Variants in SGMS1 observed in about 807,000 individuals in gnomAD.
SGMS1 encodes the protein sphingomyelin synthase 1.
In SGMS1, 13 loss-of-function variants were observed where a neutral mutation model predicts 46.2. The observed-to-expected ratio is 0.28, with a 90% confidence interval of 0.18 to 0.45. The LOEUF is 0.45. Ranked by LOEUF, SGMS1 falls within the 20% of genes least tolerant of loss-of-function variation. The pLI is 1.00. For missense variants in SGMS1, 324 were observed against 519.9 expected, an observed-to-expected ratio of 0.62 and a Z score of 3.66; for synonymous variants, 203 against 187.8, an observed-to-expected ratio of 1.08 and a Z score of -0.66.
intron 6 of SGMS1, chr10:50,418,323 G>A (rs1318361392): frequency 1.3e-5 from 2 of 152,324 alleles, no homozygotes; most frequent in African/African-American, 4.8e-5. Context: ...GAGCTGGCGG[G>A]CGGCCGGATG....
intron 8 of SGMS1, among the ~76,000 whole-genome samples, chr10:50,323,304 T>C (rs1215622431): frequency 6.6e-6 from 1 of 152,202 alleles, no homozygotes; most frequent in African/African-American, 2.4e-5. Context: ...AATTACAGCA[T>C]TTTAATGGCA....
chr10:50,506,282 CA>C (rs1837706083), intron 3 of SGMS1, among the ~76,000 whole-genome samples: 1 of 152,156 alleles, frequency 6.6e-6, no homozygotes, highest in Non-Finnish European at 1.5e-5. Flanking sequence ...AACTAATCTC[CA>C]TGAAGGCAAA....
At chr10:50,344,562 CAT>C (rs1491222024) in intron 6 of SGMS1, among the ~76,000 whole-genome samples, 2 of 152,148 alleles carry the variant, frequency 1.3e-5, no homozygotes, top group Non-Finnish European at 2.9e-5. Context: ...TCAAAGGAGA[CAT>C]ATTTTATAGA....
chr10:50,491,617 GA>G (rs1390782157), intron 3 of SGMS1, among the ~76,000 whole-genome samples: 2 of 152,134 alleles, frequency 1.3e-5, no homozygotes, highest in African/African-American at 4.8e-5. Flanking sequence ...ATTGAGTTGG[GA>G]AGAAATTGAA....
chr10:50,535,267 G>A (rs1289541046), intron 2 of SGMS1, among the ~76,000 whole-genome samples: 4 of 151,848 alleles, frequency 2.6e-5, no homozygotes, highest in Non-Finnish European at 5.9e-5. Flanking sequence ...CTTAAAAAGT[G>A]TCTAGTCTTT....
Position 50,611,776 on chromosome 10 carries a change from C to T in SGMS1, c.-684+11931G>A, listed in dbSNP as rs368139202. Among the ~76,000 whole-genome samples, 7 of 152,298 alleles carry T rather than the reference C, an allele frequency of 4.6e-5. No homozygotes were observed. The East Asian group carries it at 5.8e-4, about 13-fold the overall frequency. ...CCTGCCTGTGCACCTTCATCCCTGC[C>T]GCTGCCCCCTGCCTTTCCTCCACCC... On this transcript the variant is annotated intron_variant, in intron 1 of 10. Transcript: ENST00000361781.
At chr10:50,621,094 T>C (rs1317917650) in intron 1 of SGMS1, among the ~76,000 whole-genome samples, 1 of 152,118 alleles carries the variant, frequency 6.6e-6, no homozygotes, top group Non-Finnish European at 1.5e-5. Context: ...GAGAATCCCC[T>C]GAGCCTGGAG....
intron 2 of SGMS1, among the ~76,000 whole-genome samples, chr10:50,539,876 A>C (rs1838036843): frequency 6.6e-6 from 1 of 152,244 alleles, no homozygotes; most frequent in Non-Finnish European, 1.5e-5. Flanking sequence ...TGTAAGGCTC[A>C]TATATAGACA....
At chr10:50,407,359 T>C (rs1441932763) in intron 6 of SGMS1, among the ~76,000 whole-genome samples, 1 of 152,238 alleles carries the variant, frequency 6.6e-6, no homozygotes, top group Non-Finnish European at 1.5e-5. Context: ...AGGAAAATGA[T>C]GAAGTACTAC....
At chr10:50,451,014 T>C (rs1423800607) in intron 5 of SGMS1, among the ~76,000 whole-genome samples, 2 of 151,990 alleles carry the variant, frequency 1.3e-5, no homozygotes, top group Admixed American at 1.3e-4. Flanking sequence ...AATTTTAAAG[T>C]CTGAAAATAT....
chr10:50,619,014 A>T (rs977476683), intron 1 of SGMS1, among the ~76,000 whole-genome samples: 4 of 152,000 alleles, frequency 2.6e-5, no homozygotes, highest in Non-Finnish European at 5.9e-5. Flanking sequence ...ATGCACACAG[A>T]CCCAGCTACT....
intron 6 of SGMS1, among the ~76,000 whole-genome samples, chr10:50,402,479 A>T (rs1489399645): frequency 6.6e-6 from 1 of 152,224 alleles, no homozygotes; most frequent in Non-Finnish European, 1.5e-5. Context: ...TGACATTTTC[A>T]GGGTATAACA....
intron 5 of SGMS1, among the ~76,000 whole-genome samples, chr10:50,453,085 T>C (rs553062475): frequency 6.6e-6 from 1 of 152,084 alleles, no homozygotes; most frequent in Non-Finnish European, 1.5e-5. Context: ...GAGTTCACAG[T>C]CAATAAATCA....
intron 2 of SGMS1, among the ~76,000 whole-genome samples, chr10:50,567,477 A>T (rs1350539397): frequency 6.6e-6 from 1 of 152,188 alleles, no homozygotes; most frequent in Non-Finnish European, 1.5e-5. Context: ...ATTTTTAATC[A>T]GTGACTTTAA....
rs141625405 is a variant in SGMS1, at chr10:50,331,541, T to C, written c.624-4219A>G. Among the ~76,000 whole-genome samples, 384 of 152,346 alleles carry C rather than the reference T, an allele frequency of 2.5e-3. 1 individual carries two copies. The highest frequency in any genetic ancestry group is 8.8e-3 in the African/African-American group (367 of 41,574). ...GTCCATTTTTCATTATTTTTTGTAG[T>C]CTTGTGCCCAGTTAGATTTGCTTAT... On this transcript the variant is annotated intron_variant, in intron 7 of 10. Coordinates refer to ENST00000361781, the MANE Select transcript of SGMS1 (RefSeq NM_147156.4).
intron 6 of SGMS1, among the ~76,000 whole-genome samples, chr10:50,427,336 T>G (rs953917391): frequency 6.6e-6 from 1 of 152,170 alleles, no homozygotes; most frequent in Admixed American, 6.5e-5. Context: ...TAGGTGGAGC[T>G]TGCAGTGAGC....
chr10:50,447,293 A>C (rs1195950549), intron 5 of SGMS1, among the ~76,000 whole-genome samples: 1 of 152,170 alleles, frequency 6.6e-6, no homozygotes, highest in Admixed American at 6.5e-5. Context: ...TCACTAGAGA[A>C]ATGAAAATTA....
intron 3 of SGMS1, among the ~76,000 whole-genome samples, chr10:50,498,180 T>C (rs1188393806): frequency 6.6e-6 from 1 of 152,194 alleles, no homozygotes. Context: ...GCAATGCTGT[T>C]TGGGGGAGGG....
intron 5 of SGMS1, among the ~76,000 whole-genome samples, chr10:50,447,053 A>G (rs1386732801): frequency 6.6e-6 from 1 of 152,202 alleles, no homozygotes; most frequent in African/African-American, 2.4e-5. Flanking sequence ...TCTGCTTCCT[A>G]TCTAAATAGT....
Sources: allele counts gnomAD v4.1 joint callset (sites outside exome capture counted in the v4.1 genomes callset), GRCh38; gene constraint gnomAD v4.1.1; transcripts MANE v1.5; gene names NCBI Gene and HGNC (gene_info 2026-07-23, HGNC 2026-07-21).